The following BLK variants were observed in gnomAD, a reference collection of about 807,000 sequenced individuals.
BLK encodes the protein BLK proto-oncogene, Src family tyrosine kinase.
BLK carries 64 observed loss-of-function variants against 61.8 expected under a neutral mutation model. The ratio of observed to expected loss-of-function variants is 1.03; its 90% CI spans 0.85 to 1.27. BLK has a LOEUF of 1.27. Ranked by LOEUF, BLK falls within the 50% of genes most tolerant of loss-of-function variation. BLK has a pLI of 0.00. For missense variants in BLK, 853 were observed against 660.5 expected (o/e 1.29, Z -3.19); for synonymous variants, 351 against 272.0 (o/e 1.29, Z -2.86).
chr8:11,527,327 A>G (rs775986861), intron 1 of BLK, among the ~76,000 whole-genome samples: 8 of 152,210 alleles, frequency 5.3e-5, no homozygotes, highest in Admixed American at 2.0e-4. Flanking sequence ...ATACTCTTGT[A>G]TAAAGTCCAC....
intron 1 of BLK, among the ~76,000 whole-genome samples, chr8:11,518,550 T>C (rs1485344358): frequency 2.0e-5 from 3 of 151,954 alleles, no homozygotes; most frequent in African/African-American, 7.3e-5. Context: ...CTTCTCTATT[T>C]CCACTAACAA....
intron 12 of BLK, 110 bp downstream of exon 12, chr8:11,563,220 C>T (rs1325704759): frequency 2.7e-6 from 4 of 1,505,980 alleles, no homozygotes; most frequent in Non-Finnish European, 3.6e-6. Context: ...AGAGTGAGTC[C>T]CAGAGCGAAG....
intron 3 of BLK, among the ~76,000 whole-genome samples, chr8:11,546,445 G>A (rs1408906347): frequency 3.3e-5 from 5 of 152,206 alleles, no homozygotes; most frequent in Non-Finnish European, 5.9e-5. Context: ...CTGGGCCAGT[G>A]GCTCCAGGCC....
At position 11,509,672 on chromosome 8, in the gene BLK, G is replaced by A. The variant is rs1024070927; in HGVS notation, c.-2+15081G>A. The A allele has an allele frequency of 1.3e-5, 2 of 152,216 alleles. 1 individual carries two copies. Among genetic ancestry groups the A allele is most frequent in the Admixed American group, 1.3e-4 (2 of 15,294 alleles). The allele number at this position is 152,216 out of a possible 1,614,324, so 9.4% of individuals were successfully genotyped here. ...ACAGAAAGAGCTGGACCACTTAGAG[G>A]GGCAGTCTGGCCACAGCCACTTGGA... On this transcript the variant is annotated intron_variant, in intron 1 of 12. Coordinates refer to ENST00000259089, the MANE Select transcript of BLK (RefSeq NM_001715.3).
intron 3 of BLK, among the ~76,000 whole-genome samples, chr8:11,546,469 C>G (rs1465734945): frequency 6.6e-6 from 1 of 152,190 alleles, no homozygotes; most frequent in Non-Finnish European, 1.5e-5. Context: ...GCCTCCAGCC[C>G]CTGTCCGCTC....
chr8:11,558,906 C>A (rs1007790502), intron 10 of BLK: 8 of 455,950 alleles, frequency 1.8e-5, no homozygotes, highest in African/African-American at 1.4e-4. Context: ...CCTCGCCCAG[C>A]CTTACCCAGT....
intron 1 of BLK, among the ~76,000 whole-genome samples, chr8:11,533,709 C>A (rs919685295): frequency 6.6e-5 from 10 of 151,780 alleles, no homozygotes; most frequent in Non-Finnish European, 1.5e-4. Context: ...TTTACAGGGT[C>A]CTCATGAGGC....
chr8:11,525,920 T>A (rs1037290323), intron 1 of BLK, among the ~76,000 whole-genome samples: 1 of 152,142 alleles, frequency 6.6e-6, no homozygotes, highest in Non-Finnish European at 1.5e-5. Flanking sequence ...GATTTTTGTA[T>A]TTTTAGCAGA....
At chr8:11,514,269 C>G (rs1295735439) in intron 1 of BLK, among the ~76,000 whole-genome samples, 1 of 152,238 alleles carries the variant, frequency 6.6e-6, no homozygotes, top group African/African-American at 2.4e-5. Flanking sequence ...GAGCCTTGAT[C>G]TGTCCACAGG....
chr8:11,542,870 G>A (rs1327860678), intron 1 of BLK, among the ~76,000 whole-genome samples: 1 of 152,162 alleles, frequency 6.6e-6, no homozygotes, highest in African/African-American at 2.4e-5. Flanking sequence ...ACTAAACCCA[G>A]AGCCCCAGAC....
At chr8:11,511,714 A>T (rs1437961638) in intron 1 of BLK, among the ~76,000 whole-genome samples, 1 of 152,236 alleles carries the variant, frequency 6.6e-6, no homozygotes, top group Non-Finnish European at 1.5e-5. Flanking sequence ...GCAAACAGTC[A>T]TGCAACAAAA....
chr8:11,512,114 CAGG>C (rs1204375649), intron 1 of BLK, among the ~76,000 whole-genome samples: 5 of 152,264 alleles, frequency 3.3e-5, no homozygotes, highest in African/African-American at 9.6e-5. Context: ...TTGAAGAGCT[CAGG>C]AGGAGTCTGG....
chr8:11,545,253 A>G (rs1297796681), intron 2 of BLK, among the ~76,000 whole-genome samples: 1 of 152,166 alleles, frequency 6.6e-6, no homozygotes, highest in Non-Finnish European at 1.5e-5. Flanking sequence ...ACGTTTTAAA[A>G]TTGTTTATGT....
chr8:11,536,453 G>A lies in BLK; in HGVS notation c.-1-6771G>A, dbSNP rs1260677048. On this transcript the variant is annotated intron_variant, in intron 1 of 12. Transcript: ENST00000259089. ...TCAACTAGGCTGGAGTGCAGTGGCA[G>A]GATCTTGGCTCACTGCAACCTCCAC... Among the ~76,000 whole-genome samples, 6 of 152,270 alleles carry A rather than the reference G, an allele frequency of 3.9e-5. No homozygotes were observed. The East Asian group carries it at 1.2e-3, about 29-fold the overall frequency.
intron 1 of BLK, among the ~76,000 whole-genome samples, chr8:11,539,461 G>A (rs552844538): frequency 6.6e-6 from 1 of 151,660 alleles, no homozygotes; most frequent in Admixed American, 6.6e-5. Flanking sequence ...TCGGGGGAGG[G>A]GATTGTTTTT....
At chr8:11,559,388 C>CAG (rs1418665162) in intron 10 of BLK, among the ~76,000 whole-genome samples, 7 of 111,802 alleles carry the variant, frequency 6.3e-5, no homozygotes, top group African/African-American at 2.4e-4. Context: ...CAAACTCACA[C>CAG]ACAGACAGAC....
intron 1 of BLK, among the ~76,000 whole-genome samples, chr8:11,534,640 G>T (rs911003980): frequency 6.6e-6 from 1 of 152,148 alleles, no homozygotes; most frequent in African/African-American, 2.4e-5. Flanking sequence ...CACAATGGGG[G>T]GAGGTGAATT....
rs766608059 is a variant in BLK at position 11,555,336 on chromosome 8, G to A, written c.624G>A (p.Lys208=). The A allele has an allele frequency of 4.0e-5, 64 of 1,613,946 alleles. 1 individual carries two copies. The highest frequency in any genetic ancestry group is 5.3e-5 in the Non-Finnish European group (63 of 1,180,030). Residue 208 remains lysine, a synonymous_variant, in exon 8 of 13, where the codon AAG becomes AAA. Coordinates refer to ENST00000259089, the MANE Select transcript of BLK (RefSeq NM_001715.3). The stretch of plus-strand genomic sequence containing the variant: ...GTCTTTTCTTCCCTAATGCAGAGAA[G>A]GGGGATGGTCTATGCCAGAGGCTGA... ...LQALVQHYSK[K]GDGLCQRLTL... is the part of the protein sequence containing the mutation.
intron 1 of BLK, among the ~76,000 whole-genome samples, chr8:11,521,323 C>G (rs1302768868): frequency 2.0e-5 from 3 of 152,192 alleles, no homozygotes; most frequent in Admixed American, 1.3e-4. Context: ...CAGAGCCTCA[C>G]TCTGTCACCA....
Sources: allele counts gnomAD v4.1 joint callset (sites outside exome capture counted in the v4.1 genomes callset), GRCh38; gene constraint gnomAD v4.1.1; transcripts MANE v1.5; gene names NCBI Gene and HGNC (gene_info 2026-07-23, HGNC 2026-07-21).